The following BAHD1 variants were observed in gnomAD, a reference collection of about 807,000 sequenced individuals.
BAHD1 encodes the protein bromo adjacent homology domain-containing 1 protein.
BAHD1 carries 20 observed loss-of-function variants against 63.1 expected under a neutral mutation model. That is an observed-to-expected ratio of 0.32 (90% confidence interval 0.22 to 0.46). The LOEUF is 0.46. Among genes scored for constraint, BAHD1 ranks in the 20% least tolerant of loss-of-function variants. BAHD1 has a pLI of 1.00. For missense variants in BAHD1, 939 were observed against 1,071.8 expected (o/e 0.88, Z 1.73); for synonymous variants, 408 against 426.8 (o/e 0.96, Z 0.54).
intron 1 of BAHD1, chr15:40,443,144 C>T: frequency 2.4e-6 from 1 of 409,968 alleles, no homozygotes; most frequent in Non-Finnish European, 3.3e-6. Flanking sequence ...AGTCCCACCT[C>T]AGGTAGGGCT....
upstream of BAHD1, among the ~76,000 whole-genome samples, chr15:40,440,377 C>T (rs1893364211): frequency 1.3e-5 from 2 of 151,884 alleles, no homozygotes; most frequent in Non-Finnish European, 2.9e-5. Context: ...AGTCTGGGGC[C>T]CTTTCTGCAG....
chr15:40,444,037 CGTGGTATCCTCTTGA>C (rs1893471789), intron 1 of BAHD1, among the ~76,000 whole-genome samples: 2 of 152,122 alleles, frequency 1.3e-5, no homozygotes, highest in African/African-American at 2.4e-5. Flanking sequence ...GATTTTCTAA[CGTGGTATCCTCTTGA>C]GTGGTTTTGT....
chr15:40,447,546 A>G (rs1893572148), intron 1 of BAHD1, among the ~76,000 whole-genome samples: 1 of 151,056 alleles, frequency 6.6e-6, no homozygotes. Context: ...CGACAGAGCA[A>G]GACTCTGTCT....
upstream of BAHD1, among the ~76,000 whole-genome samples, chr15:40,440,723 C>A (rs1893372531): frequency 6.6e-6 from 1 of 152,136 alleles, no homozygotes; most frequent in Non-Finnish European, 1.5e-5. Flanking sequence ...CAAGGCCCCA[C>A]CACTCCCCGC....
intron 4 of BAHD1, 123 bp downstream of exon 4, chr15:40,464,143 C>A: frequency 8.5e-7 from 1 of 1,176,642 alleles, no homozygotes. Context: ...GGCACAGAGT[C>A]TGCCTTCCAC....
chr15:40,439,726 C>G (rs571237645), upstream of BAHD1: 3 of 152,448 alleles, frequency 2.0e-5, no homozygotes, highest in East Asian at 5.8e-4. Context: ...CAGCATTTCT[C>G]GAGAACCTAC....
intron 1 of BAHD1, among the ~76,000 whole-genome samples, chr15:40,448,913 C>T (rs538539538): frequency 8.0e-5 from 12 of 150,362 alleles, no homozygotes; most frequent in African/African-American, 2.9e-4. Flanking sequence ...CTCGGCTCAT[C>T]GCAACCTCTG....
At chr15:40,443,227 G>A in intron 1 of BAHD1, 1 of 983,118 alleles carries the variant, frequency 1.0e-6, no homozygotes, top group Non-Finnish European at 1.2e-6. Context: ...CACTTCAGAG[G>A]GTAGCATGGG....
chr15:40,448,680 G>GCA (rs1893616006), intron 1 of BAHD1, among the ~76,000 whole-genome samples: 1 of 152,080 alleles, frequency 6.6e-6, no homozygotes, highest in African/African-American at 2.4e-5. Flanking sequence ...GGGACTACAG[G>GCA]CACACACCAC....
chr15:40,447,837 G>T (rs902341568), intron 1 of BAHD1, among the ~76,000 whole-genome samples: 4 of 152,018 alleles, frequency 2.6e-5, no homozygotes, highest in South Asian at 4.1e-4. Flanking sequence ...CATGGTTGGG[G>T]GTTACCTTTT....
chr15:40,464,244 G>A, intron 4 of BAHD1: 1 of 659,214 alleles, frequency 1.5e-6, no homozygotes, highest in Non-Finnish European at 2.6e-6. Context: ...AGCAGAGCCT[G>A]GGCACCTGTC....
At chr15:40,464,072 T>C (rs1342386134) in intron 4 of BAHD1, 52 bp downstream of exon 4, 2 of 1,591,962 alleles carry the variant, frequency 1.3e-6, no homozygotes, top group African/African-American at 2.7e-5. Context: ...TCAGCAGAAC[T>C]GTAGTCCCCA....
chr15:40,443,689 G>T (rs549530067), intron 1 of BAHD1, among the ~76,000 whole-genome samples: 1 of 152,202 alleles, frequency 6.6e-6, no homozygotes, highest in South Asian at 2.1e-4. Context: ...TGTCAGGCCT[G>T]TGTTGTTGTT....
In BAHD1 at chr15:40,466,873, C is replaced by T. The variant is rs1894225576; in HGVS notation, c.*743C>T. ...GTTAACTGATGATTGTGGGGTTTGT[C>T]ATATCTGGGAGGGAAGATGGGTGCT... On this transcript the variant is annotated 3_prime_UTR_variant, in exon 7 of 7. Transcript: ENST00000416165. 6.6e-6 allele frequency: 1 copy of T among 152,370 alleles called. No individual in the cohort carries two copies. The highest frequency in any genetic ancestry group is 1.5e-5 in the Non-Finnish European group (1 of 68,080). The allele number at this position is 152,370 out of a possible 1,614,324, so 9.4% of individuals were successfully genotyped here.
chr15:40,454,231 C>T (rs1181953467), intron 1 of BAHD1: 1 of 152,322 alleles, frequency 6.6e-6, no homozygotes. Context: ...CCGTGCTCCC[C>T]TGGGCCTCTG....
chr15:40,458,827 C>T lies in BAHD1; in HGVS notation c.363C>T (p.Ser121=). 6.2e-7 allele frequency: 1 copy of T among 1,612,652 alleles called. No homozygotes were observed. Among genetic ancestry groups the T allele is most frequent in the Non-Finnish European group, 8.5e-7 (1 of 1,179,826 alleles). Reference sequence around the variant, plus strand: ...AGCCCCGCAAGCGGCGCCTGGCCTCCCTCAATGCTGAAGCTCTCAATAACC... The same window carrying T: ...AGCCCCGCAAGCGGCGCCTGGCCTCTCTCAATGCTGAAGCTCTCAATAACC... ...LAQPRKRRLA[S]LNAEALNNLL... The change falls in exon 2 of 7, where the codon TCC becomes TCT. Residue 121 remains serine, a synonymous_variant. Transcript: ENST00000416165. This position sits in a 1 kb window ranked among gnomAD's most constrained non-coding sequence, Gnocchi z 4.7.
At chr15:40,439,841 T>TCTGTG (rs1007237078), upstream of BAHD1, 2 of 152,318 alleles carry the variant, frequency 1.3e-5, no homozygotes, top group African/African-American at 2.4e-5. Flanking sequence ...CCCATCTCTC[T>TCTGTG]CTGTGCCCTT....
chr15:40,439,600 G>C (rs913961828), upstream of BAHD1: 8 of 152,480 alleles, frequency 5.2e-5, no homozygotes, highest in South Asian at 6.2e-4. Context: ...CCCCTCCCTG[G>C]GCTGCTCCAG....
At chr15:40,437,853 C>T (rs1293242062), upstream of BAHD1, among the ~76,000 whole-genome samples, 1 of 152,154 alleles carries the variant, frequency 6.6e-6, no homozygotes, top group Non-Finnish European at 1.5e-5. Flanking sequence ...CCAGTCTGTC[C>T]CGGCTGTCAG....
Sources: allele counts gnomAD v4.1 joint callset (sites outside exome capture counted in the v4.1 genomes callset), GRCh38; gene constraint gnomAD v4.1.1; non-coding constraint Gnocchi (gnomAD v3.1); transcripts MANE v1.5; gene names NCBI Gene and HGNC (gene_info 2026-07-23, HGNC 2026-07-21).